The following NOXA1 variants were observed in gnomAD, a reference collection of about 807,000 sequenced individuals.
The protein encoded by NOXA1 is NCF2-like protein.
NOXA1 carries 56 observed loss-of-function variants against 64.8 expected under a neutral mutation model. The observed-to-expected ratio is 0.86, with a 90% confidence interval of 0.70 to 1.08. The LOEUF (loss-of-function observed/expected upper bound fraction) is 1.08, where lower values mean the gene tolerates loss of function less well. Ranked by LOEUF, NOXA1 falls within the 50% of genes least tolerant of loss-of-function variation. The pLI, the probability that NOXA1 is intolerant of heterozygous loss-of-function variation, is 0.00. For missense variants in NOXA1, 668 were observed against 658.5 expected (o/e 1.01, Z -0.16); for synonymous variants, 295 against 294.8 (o/e 1.00, Z -0.01).
intron 1 of NOXA1, among the ~76,000 whole-genome samples, chr9:137,424,337 A>C (rs1346152649): frequency 3.3e-5 from 5 of 152,220 alleles, no homozygotes; most frequent in Non-Finnish European, 5.9e-5. Flanking sequence ...TGACTGGCAA[A>C]ATATCCCCCT....
intron 5 of NOXA1, among the ~76,000 whole-genome samples, chr9:137,429,694 C>T (rs1839003562): frequency 1.3e-5 from 2 of 152,180 alleles, no homozygotes; most frequent in African/African-American, 2.4e-5. Flanking sequence ...TGCAGCCTCC[C>T]AGAGTCCCTG....
rs1487953199 is a variant in NOXA1 at position 137,431,529 on chromosome 9, G to A, written c.804+188G>A. ...GAGGATGCCTGGCTGTGCCCGAGGC[G>A]AGTGGGCATTGGCCATCAGGACAGG... On this transcript the variant is annotated intron_variant, in intron 8 of 13. Transcript: ENST00000683555. The surrounding 1 kb of genome is among the most constrained non-coding windows in gnomAD (Gnocchi z 5.6). 2.0e-5 allele frequency among the ~76,000 whole-genome samples: 3 copies of A among 152,188 alleles called. No individual in the cohort carries two copies. The highest frequency in any genetic ancestry group is 1.9e-4 in the East Asian group (1 of 5,190).
Position 137,430,793 on chromosome 9 carries a change from T to A in NOXA1, c.622T>A (p.Ser208Thr), listed in dbSNP as rs1173583442. The change falls in exon 6 of 14, where the codon TCT (serine) becomes ACT (threonine). Residue 208 changes from serine (S) to threonine (T), a missense_variant. Physicochemically the swap from Ser to Thr is moderately conservative, Grantham distance 58. Coordinates refer to ENST00000683555, the MANE Select transcript of NOXA1 (RefSeq NM_001256067.2). ...DFLGKAKVVASAIPDDQGWGV... is the reference protein window; with the variant it reads ...DFLGKAKVVATAIPDDQGWGV... ...CCACTGTCCCCGCCAGGTGGTGGCC[T>A]CTGCCATCCCCGACGACCAGGGCTG... 4.4e-6 allele frequency: 7 copies of A among 1,594,682 alleles called. No homozygotes were observed. Among genetic ancestry groups the A allele is most frequent in the Non-Finnish European group, 6.0e-6 (7 of 1,175,574 alleles).
At chr9:137,428,422 C>T (rs1008271029) in intron 3 of NOXA1, among the ~76,000 whole-genome samples, 1 of 151,592 alleles carries the variant, frequency 6.6e-6, no homozygotes, top group Admixed American at 6.6e-5. Flanking sequence ...GTTGTGCCCA[C>T]CCTCCACTGT....
chr9:137,426,318 T>C lies in NOXA1; in HGVS notation c.248T>C (p.Phe83Ser). Reference protein sequence around the residue: ...VGFFQRGVANFQLARFQEALS... With the variant: ...VGFFQRGVANSQLARFQEALS... ...TTCTTCCAGCGAGGAGTGGCCAACT[T>C]CCAGCTGGCAAGGTGAGTACAGGGG... is the stretch of plus-strand genomic sequence containing the variant. Residue 83 changes from phenylalanine to serine, a missense_variant, in exon 2 of 14, where the codon TTC (phenylalanine) becomes TCC (serine). Physicochemically the swap from Phe to Ser is radical, Grantham distance 155 (BLOSUM62 -2). Coordinates refer to ENST00000683555, the MANE Select transcript of NOXA1 (RefSeq NM_001256067.2). 1 of 1,613,716 alleles carries C rather than the reference T, an allele frequency of 6.2e-7. No individual in the cohort carries two copies. The highest frequency in any genetic ancestry group is 8.5e-7 in the Non-Finnish European group (1 of 1,179,912).
chr9:137,425,871 C>CAAAAAAAAAAA (rs577104589), intron 1 of NOXA1, among the ~76,000 whole-genome samples: 2 of 108,350 alleles, frequency 1.8e-5, no homozygotes, highest in African/African-American at 6.8e-5. Flanking sequence ...GACCCCGTCT[C>CAAAAAAAAAAA]AAAAAAAAAA....
Position 137,431,277 on chromosome 9 carries a change from G to T in NOXA1, c.740G>T (p.Gly247Val). ...TCCCCAAGAGCTGGCACCCACCAGGGCCCCCTCGATGCAGAGACAGAGGTC... is the reference window on the plus strand; with the variant it reads ...TCCCCAAGAGCTGGCACCCACCAGGTCCCCCTCGATGCAGAGACAGAGGTC... ...MDSPRAGTHQ[G>V]PLDAETEVGA... The change falls in exon 8 of 14, where the codon GGC becomes GTC. Residue 247 changes from glycine to valine, a missense_variant. Transcript: ENST00000683555. This position sits in a 1 kb window ranked among gnomAD's most constrained non-coding sequence, Gnocchi z 5.6. 1 of 1,612,688 alleles carries T rather than the reference G, an allele frequency of 6.2e-7. No homozygotes were observed. Among genetic ancestry groups the T allele is most frequent in the African/African-American group, 1.3e-5 (1 of 75,058 alleles).
chr9:137,429,728 C>G (rs1439504551), intron 5 of NOXA1, among the ~76,000 whole-genome samples: 1 of 151,944 alleles, frequency 6.6e-6, no homozygotes, highest in African/African-American at 2.4e-5. Context: ...CCTTTCATGC[C>G]TTTGTGTCTC....
Position 137,433,766 on chromosome 9 carries a change from G to A in NOXA1, c.1081G>A (p.Glu361Lys). The A allele has an allele frequency of 6.9e-7, 1 of 1,458,352 alleles. No individual in the cohort carries two copies. The highest frequency in any genetic ancestry group is 9.1e-7 in the Non-Finnish European group (1 of 1,100,766). The allele number at this position is 1,458,352 out of a possible 1,614,324, so 90.3% of individuals were successfully genotyped here. A position where few individuals can be genotyped will look rare whatever the true frequency, so the allele number is the denominator to read the frequency against. Residue 361 changes from glutamate to lysine, a missense_variant, in exon 12 of 14, where the codon GAG becomes AAG. Glu to Lys is a moderately conservative substitution (Grantham distance 56, BLOSUM62 1). Coordinates refer to ENST00000683555, the MANE Select transcript of NOXA1 (RefSeq NM_001256067.2). Reference sequence around the variant, plus strand: ...TCTTTGCAGTTACCTAGCCCCAGGTGAGGACGGGCACTGGGTCCCCATCCC... The same window carrying A: ...TCTTTGCAGTTACCTAGCCCCAGGTAAGGACGGGCACTGGGTCCCCATCCC... Reference protein sequence around the residue: ...LGQLSYLAPGEDGHWVPIPEE... With the variant: ...LGQLSYLAPGKDGHWVPIPEE...
At chr9:137,429,471 G>C (rs1838995922) in intron 5 of NOXA1, 88 bp downstream of exon 5, 1 of 962,832 alleles carries the variant, frequency 1.0e-6, no homozygotes, top group Non-Finnish European at 1.6e-6. Context: ...GTGCAGTCCA[G>C]GCCACCGTAA....
chr9:137,429,665 A>AT (rs1156573252), intron 5 of NOXA1, among the ~76,000 whole-genome samples: 1 of 152,192 alleles, frequency 6.6e-6, no homozygotes, highest in African/African-American at 2.4e-5. Context: ...AGACTGGGCC[A>AT]TGGCCACAGC....
chr9:137,433,271 G>A lies in NOXA1; in HGVS notation c.909+8G>A, dbSNP rs914976915. 2 of 1,565,566 alleles carry A rather than the reference G, an allele frequency of 1.3e-6. No individual in the cohort carries two copies. The highest frequency in any genetic ancestry group is 2.3e-5 in the East Asian group (1 of 43,732). ...GACCCCGCGGGTGCTGGGGTAAGAG[G>A]CTCTAGACCCTTCACCTGTCAGTCA... On this transcript the variant is annotated splice_region_variant and intron_variant, in intron 10 of 13. Transcript: ENST00000683555.
chr9:137,426,472 A>G (rs1448352606), intron 2 of NOXA1, 142 bp downstream of exon 2: 2 of 698,760 alleles, frequency 2.9e-6, no homozygotes, highest in Non-Finnish European at 2.4e-6. Context: ...CTCCAGGGAA[A>G]CCTGAGACTG....
At chr9:137,429,984 G>C (rs1037917966) in intron 5 of NOXA1, among the ~76,000 whole-genome samples, 3 of 97,364 alleles carry the variant, frequency 3.1e-5, no homozygotes, top group African/African-American at 8.6e-5. Context: ...CCAGGGGGGT[G>C]CCTGTGTCCC....
intron 5 of NOXA1, among the ~76,000 whole-genome samples, chr9:137,430,023 G>A (rs1251026924): frequency 4.2e-5 from 5 of 117,878 alleles, no homozygotes; most frequent in African/African-American, 1.4e-4. Flanking sequence ...CCCGGGGGGG[G>A]TGCCTGTGTC....
Position 137,433,933 on chromosome 9 carries a change from G to A in NOXA1, c.1180-32G>A, listed in dbSNP as rs373178115. The A allele has an allele frequency of 6.4e-5, 98 of 1,525,140 alleles. No individual in the cohort carries two copies. In the African/African-American group the frequency reaches 9.2e-4, roughly 14 times the overall value. The allele number at this position is 1,525,140 out of a possible 1,614,324, so 94.5% of individuals were successfully genotyped here. A position where few individuals can be genotyped will look rare whatever the true frequency, so the allele number is the denominator to read the frequency against. ...GTGGAGGCCCCTCCTCCCAGTGCCCGGCCCGACCTGCAGCCCACTCTCCTG... is the reference window on the plus strand; with the variant it reads ...GTGGAGGCCCCTCCTCCCAGTGCCCAGCCCGACCTGCAGCCCACTCTCCTG... On this transcript the variant is annotated intron_variant, in intron 12 of 13. Transcript: ENST00000683555.
Position 137,431,386 on chromosome 9 carries a change from T to C in NOXA1, c.804+45T>C. ...TTCCCCTGCTGGGGGTCGGTGCTTC[T>C]GCTGCCTCCGCAGACTGGGGACCAC... On this transcript the variant is annotated intron_variant, in intron 8 of 13. Coordinates refer to ENST00000683555, the MANE Select transcript of NOXA1 (RefSeq NM_001256067.2). The surrounding 1 kb of genome is among the most constrained non-coding windows in gnomAD (Gnocchi z 5.6). The C allele has an allele frequency of 1.3e-6, 2 of 1,501,142 alleles. No individual in the cohort carries two copies. The highest frequency in any genetic ancestry group is 1.8e-6 in the Non-Finnish European group (2 of 1,090,490). The allele number at this position is 1,501,142 out of a possible 1,614,324, so 93.0% of individuals were successfully genotyped here.
chr9:137,423,842 C>T (rs1838691733), intron 1 of NOXA1, 136 bp downstream of exon 1: 2 of 738,364 alleles, frequency 2.7e-6, no homozygotes, highest in African/African-American at 3.7e-5. Context: ...CAGGTGGGAG[C>T]CGAGCAGGGG....
chr9:137,426,122 G>T, intron 1 of NOXA1, 126 bp from the exon 2 acceptor site: 1 of 812,958 alleles, frequency 1.2e-6, no homozygotes, highest in Non-Finnish European at 2.1e-6. Context: ...ACAGGAGCAG[G>T]AGGGGCTGTG....
Sources: allele counts gnomAD v4.1 joint callset (sites outside exome capture counted in the v4.1 genomes callset), GRCh38; gene constraint gnomAD v4.1.1; non-coding constraint Gnocchi (gnomAD v3.1); transcripts MANE v1.5; gene names NCBI Gene and HGNC (gene_info 2026-07-23, HGNC 2026-07-21).